Variants in ARHGAP6 observed in about 807,000 individuals in gnomAD.
ARHGAP6 encodes rho GTPase-activating protein 6.
Under a neutral mutation model 55.7 loss-of-function variants are expected in ARHGAP6, and 16 were observed. The ratio of observed to expected loss-of-function variants is 0.29; its 90% CI spans 0.19 to 0.44. ARHGAP6 has a LOEUF of 0.44. Ranked by LOEUF, ARHGAP6 falls within the 20% of genes least tolerant of loss-of-function variation. The pLI, the probability that ARHGAP6 is intolerant of heterozygous loss-of-function variation, is 1.00. For missense variants in ARHGAP6, 698 were observed against 808.9 expected (o/e 0.86, Z 1.66); for synonymous variants, 382 against 360.9 (o/e 1.06, Z -0.66).
chrX:11,317,654 A>G (rs1235694358), intron 1 of ARHGAP6, among the ~76,000 whole-genome samples: 3 of 111,918 alleles, frequency 2.7e-5, no homozygotes, highest in South Asian at 3.7e-4. Flanking sequence ...CAAGGTCCAG[A>G]ATCACAGGCC....
chrX:11,308,783 A>G (rs754040574), intron 1 of ARHGAP6, among the ~76,000 whole-genome samples: 1 of 112,522 alleles, frequency 8.9e-6, no homozygotes, highest in South Asian at 3.7e-4. Flanking sequence ...CAGTAACATT[A>G]TAAGCCAATG....
At chrX:11,364,088 G>A (rs904254471) in intron 1 of ARHGAP6, among the ~76,000 whole-genome samples, 1 of 111,626 alleles carries the variant, frequency 9.0e-6, no homozygotes, top group Admixed American at 9.5e-5. Context: ...TATCATAAGT[G>A]GAGGAACATA....
chrX:11,220,562 C>G (rs2046954364), intron 2 of ARHGAP6, among the ~76,000 whole-genome samples: 1 of 110,602 alleles, frequency 9.0e-6, no homozygotes, highest in South Asian at 3.9e-4. Context: ...AAATAAAATA[C>G]TTTACAGCCA....
At chrX:11,646,363 G>A (rs2052527095) in intron 1 of ARHGAP6, among the ~76,000 whole-genome samples, 1 of 111,484 alleles carries the variant, frequency 9.0e-6, no homozygotes, top group Admixed American at 9.5e-5. Context: ...GGCCATGCCC[G>A]GTGGAACAGA....
intron 1 of ARHGAP6, among the ~76,000 whole-genome samples, chrX:11,439,127 T>C (rs2050017120): frequency 8.9e-6 from 1 of 112,397 alleles, no homozygotes; most frequent in African/African-American, 3.2e-5. Context: ...GAAAACATCA[T>C]TATTTAATAA....
chrX:11,464,047 T>C (rs1163626029), intron 1 of ARHGAP6, among the ~76,000 whole-genome samples: 1 of 111,808 alleles, frequency 8.9e-6, no homozygotes, highest in Non-Finnish European at 1.9e-5. Flanking sequence ...TAACTTCCTA[T>C]CTTTTTCAGC....
chrX:11,225,054 G>A (rs768817122), intron 2 of ARHGAP6, among the ~76,000 whole-genome samples: 2 of 111,471 alleles, frequency 1.8e-5, no homozygotes, highest in African/African-American at 3.3e-5. Flanking sequence ...GGGTTCTTAT[G>A]TAATGGGTTT....
At chrX:11,427,760 C>A (rs2049899359) in intron 1 of ARHGAP6, 1 of 760,238 alleles carries the variant, frequency 1.3e-6, no homozygotes, top group Non-Finnish European at 1.6e-6. Context: ...GTCCCGCTGC[C>A]GCTGCGGAGC....
At chrX:11,570,536 T>C (rs781595255) in intron 1 of ARHGAP6, among the ~76,000 whole-genome samples, 2 of 110,671 alleles carry the variant, frequency 1.8e-5, no homozygotes, top group African/African-American at 3.3e-5. Context: ...GTAAGTGTTA[T>C]AATTTCAATC....
intron 1 of ARHGAP6, among the ~76,000 whole-genome samples, chrX:11,410,967 GAAAC>G (rs1283337989): frequency 9.3e-6 from 1 of 107,010 alleles, no homozygotes; most frequent in Non-Finnish European, 1.9e-5. Context: ...TAAAAAGAGA[GAAAC>G]AAACAAACAA....
At chrX:11,357,578 T>C (rs905245171) in intron 1 of ARHGAP6, among the ~76,000 whole-genome samples, 2 of 111,954 alleles carry the variant, frequency 1.8e-5, no homozygotes, top group African/African-American at 6.5e-5. Context: ...ACTCTATCCA[T>C]TGTATTCAAA....
rs976419094 is a variant in ARHGAP6 at position 11,185,990 on chromosome X, A to G, written c.1273+246T>C. Among the ~76,000 whole-genome samples the G allele has an allele frequency of 8.1e-5, 9 of 111,535 alleles. 1 individual carries two copies. Among genetic ancestry groups the G allele is most frequent in the African/African-American group, 1.3e-4 (4 of 30,613 alleles). On this transcript the variant is annotated intron_variant, in intron 5 of 12. Transcript: ENST00000337414. The stretch of plus-strand genomic sequence containing the variant: ...CATTCCCTAAACTGCTTGGCCTCCA[A>G]GGTAACTTCTGAGGACTACTGGGAG...
At chrX:11,594,251 C>G (rs756812622) in intron 1 of ARHGAP6, among the ~76,000 whole-genome samples, 15 of 110,896 alleles carry the variant, frequency 1.4e-4, no homozygotes, top group Non-Finnish European at 2.5e-4. Context: ...TTTCCCTTAC[C>G]TGGAATACAA....
At chrX:11,308,618 TTGAGACCCAA>T (rs2048262316) in intron 1 of ARHGAP6, among the ~76,000 whole-genome samples, 1 of 111,617 alleles carries the variant, frequency 9.0e-6, no homozygotes, top group Non-Finnish European at 1.9e-5. Flanking sequence ...TACCCAATGA[TTGAGACCCAA>T]AGAGACACTC....
At chrX:11,507,170 C>T (rs867043405) in intron 1 of ARHGAP6, among the ~76,000 whole-genome samples, 9 of 111,701 alleles carry the variant, frequency 8.1e-5, no homozygotes, top group African/African-American at 1.6e-4. Context: ...ATTAAAGCCT[C>T]ATTCTGAAGG....
intron 8 of ARHGAP6, among the ~76,000 whole-genome samples, chrX:11,170,018 A>G (rs2046068543): frequency 1.8e-5 from 2 of 111,226 alleles, no homozygotes. Flanking sequence ...CCATTTCTCC[A>G]TCCATCCCTT....
intron 2 of ARHGAP6, among the ~76,000 whole-genome samples, chrX:11,206,903 C>T (rs2046711937): frequency 1.8e-5 from 2 of 111,554 alleles, no homozygotes; most frequent in African/African-American, 6.5e-5. Flanking sequence ...CCAAAAATCC[C>T]ATATGGTTAG....
intron 1 of ARHGAP6, among the ~76,000 whole-genome samples, chrX:11,595,456 C>G (rs1489508207): frequency 3.6e-5 from 4 of 111,649 alleles, no homozygotes; most frequent in African/African-American, 9.8e-5. Context: ...AACGTAAGAT[C>G]TAGGACCATA....
At chrX:11,325,080 G>C (rs1037156955) in intron 1 of ARHGAP6, among the ~76,000 whole-genome samples, 2 of 111,771 alleles carry the variant, frequency 1.8e-5, no homozygotes, top group Non-Finnish European at 3.8e-5. Context: ...GGATGGTCTC[G>C]ATCTCCTGAC....
Sources: gnomAD v4.1 joint callset for allele counts (sites outside exome capture counted in the v4.1 genomes callset) on GRCh38, gnomAD v4.1.1 for gene constraint, MANE v1.5 for transcripts, NCBI Gene and HGNC (gene_info 2026-07-23, HGNC 2026-07-21) for gene names.